Variants in RABGAP1L observed in about 807,000 individuals in gnomAD.
RABGAP1L encodes the protein RAB GTPase activating protein 1 like.
A neutral mutation model predicts 137.7 loss-of-function variants in RABGAP1L; 63 were observed. The observed-to-expected ratio is 0.46, with a 90% CI of 0.37 to 0.56. RABGAP1L has a LOEUF of 0.56. Among genes scored for constraint, RABGAP1L ranks in the 20% least tolerant of loss-of-function variants. The probability of loss-of-function intolerance (pLI) is 0.00; values close to 1 mark genes in which losing one functional copy is unlikely to be tolerated. For synonymous variants in RABGAP1L, 431 were observed against 433.7 expected (o/e 0.99, Z 0.08); for missense variants, 1,095 against 1,244.0 (o/e 0.88, Z 1.80).
chr1:174,717,864 C>T (rs1329941130), intron 17 of RABGAP1L, among the ~76,000 whole-genome samples: 1 of 152,140 alleles, frequency 6.6e-6, no homozygotes, highest in African/African-American at 2.4e-5. Context: ...AAAGGAAGTA[C>T]GTTAGTTGAT....
chr1:174,347,392 A>G (rs1289433025), intron 11 of RABGAP1L, among the ~76,000 whole-genome samples: 1 of 151,624 alleles, frequency 6.6e-6, no homozygotes, highest in Non-Finnish European at 1.5e-5. Flanking sequence ...GGGTGCTCCA[A>G]TGTTGGGTGC....
chr1:174,883,970 G>A (rs1380392366), intron 19 of RABGAP1L, among the ~76,000 whole-genome samples: 1 of 152,164 alleles, frequency 6.6e-6, no homozygotes, highest in East Asian at 1.9e-4. Flanking sequence ...AAGTCTTTGG[G>A]AATGGGAAAG....
intron 13 of RABGAP1L, among the ~76,000 whole-genome samples, chr1:174,462,502 C>A (rs988348336): frequency 2.0e-5 from 3 of 152,032 alleles, no homozygotes; most frequent in Non-Finnish European, 4.4e-5. Context: ...AGTCATTAAA[C>A]TTTTGACTTC....
chr1:174,802,836 T>G (rs539643628), intron 18 of RABGAP1L, among the ~76,000 whole-genome samples: 7 of 152,198 alleles, frequency 4.6e-5, no homozygotes, highest in African/African-American at 1.7e-4. Flanking sequence ...TGTTCAGCCT[T>G]GTGTTATTGA....
At chr1:174,665,644 G>A (rs1676737105) in intron 14 of RABGAP1L, among the ~76,000 whole-genome samples, 1 of 152,102 alleles carries the variant, frequency 6.6e-6, no homozygotes, top group African/African-American at 2.4e-5. Flanking sequence ...TAGTAGAGAC[G>A]GAGTTTTACC....
At chr1:174,877,658 A>G (rs751312006) in intron 19 of RABGAP1L, 482 of 1,551,322 alleles carry the variant, frequency 3.1e-4, no homozygotes, top group Non-Finnish European at 4.2e-4. Flanking sequence ...TTCTAACATG[A>G]TATCTATACT....
intron 19 of RABGAP1L, among the ~76,000 whole-genome samples, chr1:174,912,999 G>T (rs1353465135): frequency 2.0e-5 from 3 of 148,066 alleles, no homozygotes; most frequent in Non-Finnish European, 3.0e-5. Context: ...TTTTTGAGAT[G>T]AAGTCTCACT....
chr1:174,485,743 G>A (rs1451871824), intron 13 of RABGAP1L, among the ~76,000 whole-genome samples: 1 of 152,192 alleles, frequency 6.6e-6, no homozygotes, highest in East Asian at 1.9e-4. Flanking sequence ...TGGTCTGCTA[G>A]TGCTTTGCTG....
At chr1:174,541,938 A>G (rs538179259) in intron 13 of RABGAP1L, among the ~76,000 whole-genome samples, 156 of 152,344 alleles carry the variant, frequency 1.0e-3, no homozygotes, top group Non-Finnish European at 1.8e-3. Context: ...TCCCAGGGAT[A>G]AAGCCAACTT....
intron 13 of RABGAP1L, among the ~76,000 whole-genome samples, chr1:174,453,306 A>G (rs1655648506): frequency 3.9e-5 from 6 of 152,336 alleles, no homozygotes; most frequent in Middle Eastern, 3.4e-3. Flanking sequence ...ATTTTGTCAT[A>G]TATCTATTTC....
chr1:174,806,951 A>G (rs1449451081), intron 18 of RABGAP1L, among the ~76,000 whole-genome samples: 1 of 152,022 alleles, frequency 6.6e-6, no homozygotes, highest in Non-Finnish European at 1.5e-5. Context: ...ACGCCCGGCT[A>G]ATTTTTGTAT....
At chr1:174,908,065 G>A (rs967046795) in intron 19 of RABGAP1L, among the ~76,000 whole-genome samples, 1 of 152,032 alleles carries the variant, frequency 6.6e-6, no homozygotes, top group Non-Finnish European at 1.5e-5. Context: ...AAAGAGACAA[G>A]GTCACTATAT....
intron 13 of RABGAP1L, among the ~76,000 whole-genome samples, chr1:174,573,448 C>T (rs1009312140): frequency 3.3e-5 from 5 of 151,758 alleles, no homozygotes; most frequent in African/African-American, 4.8e-5. Flanking sequence ...ATTTGTATTG[C>T]GATTATATAA....
At chr1:174,653,252 G>T (rs980142126) in intron 14 of RABGAP1L, among the ~76,000 whole-genome samples, 1 of 152,188 alleles carries the variant, frequency 6.6e-6, no homozygotes, top group Admixed American at 6.5e-5. Context: ...GGTGGGATCT[G>T]CTGAGCTAGA....
Position 174,640,118 on chromosome 1 carries a change from T to C in RABGAP1L, c.1824+2630T>C, listed in dbSNP as rs1411855359. 3.3e-5 allele frequency among the ~76,000 whole-genome samples: 5 copies of C among 152,138 alleles called. No individual in the cohort carries two copies. The East Asian group carries it at 9.6e-4, about 29-fold the overall frequency. Reference sequence around the variant, plus strand: ...TTTTAATGCTGTACTGAGCTGTATATACATAAAAATAATTTCACAACAGTC... The same window carrying C: ...TTTTAATGCTGTACTGAGCTGTATACACATAAAAATAATTTCACAACAGTC... On this transcript the variant is annotated intron_variant, in intron 14 of 25. Transcript: ENST00000681986.
At chr1:174,329,212 T>C (rs778462499) in intron 11 of RABGAP1L, among the ~76,000 whole-genome samples, 2 of 152,180 alleles carry the variant, frequency 1.3e-5, no homozygotes, top group Admixed American at 6.5e-5. Flanking sequence ...TGAACAATTA[T>C]ATGCCAACAA....
intron 10 of RABGAP1L, among the ~76,000 whole-genome samples, chr1:174,295,245 T>C (rs1677017373): frequency 6.7e-6 from 1 of 149,244 alleles, no homozygotes; most frequent in Admixed American, 6.7e-5. Flanking sequence ...AGACAAAGTC[T>C]CACTGTTGTA....
chr1:174,537,733 G>A (rs950484429), intron 13 of RABGAP1L, among the ~76,000 whole-genome samples: 2 of 152,118 alleles, frequency 1.3e-5, no homozygotes, highest in African/African-American at 4.8e-5. Context: ...TGCATTGTTT[G>A]TGGTCATTGT....
chr1:174,859,980 A>G (rs1650015805), intron 19 of RABGAP1L, among the ~76,000 whole-genome samples: 1 of 137,468 alleles, frequency 7.3e-6, no homozygotes, highest in African/African-American at 3.0e-5. Flanking sequence ...TTTTTTTCCA[A>G]ATAAAGTAAG....
Sources: allele counts gnomAD v4.1 joint callset (sites outside exome capture counted in the v4.1 genomes callset), GRCh38; gene constraint gnomAD v4.1.1; transcripts MANE v1.5; gene names NCBI Gene and HGNC (gene_info 2026-07-23, HGNC 2026-07-21).